Variants in BSG observed in about 807,000 individuals in gnomAD.
BSG encodes basigin (Ok blood group), also known as basigin.
Under a neutral mutation model 43.1 loss-of-function variants are expected in BSG, and 37 were observed. That is an observed-to-expected ratio of 0.86 (90% CI 0.66 to 1.13). The LOEUF (loss-of-function observed/expected upper bound fraction) is 1.13, where lower values mean the gene tolerates loss of function less well. BSG is among the 50% of genes most tolerant of loss of function. BSG has a pLI of 0.00. For missense variants in BSG, 599 were observed against 554.2 expected (o/e 1.08, Z -0.81); for synonymous variants, 309 against 238.7 (o/e 1.29, Z -2.72).
intron 6 of BSG, 135 bp from the exon 7 acceptor site, chr19:582,171 G>A (rs1159794148): frequency 3.5e-6 from 4 of 1,151,084 alleles, no homozygotes; most frequent in Non-Finnish European, 5.0e-6. Flanking sequence ...GGGCTGATGA[G>A]CTGCCCCGAG....
At chr19:581,725 C>A (rs1982342253) in intron 6 of BSG, 134 bp downstream of exon 6, 4 of 1,252,084 alleles carry the variant, frequency 3.2e-6, no homozygotes, top group East Asian at 5.1e-5. Context: ...GTTGATGGGA[C>A]CCCGAAAGAA....
upstream of BSG, chr19:572,467 T>A: frequency 8.6e-7 from 1 of 1,164,626 alleles, no homozygotes; most frequent in Non-Finnish European, 1.1e-6. Flanking sequence ...CATGCGAGCG[T>A]GTGCGCGCGT....
rs183571823 is a variant in BSG, at chr19:581,332, C to T, written c.810C>T (p.Ser270=). 1.1e-4 allele frequency: 185 copies of T among 1,612,428 alleles called. 1 individual carries two copies. In the East Asian group the frequency reaches 3.3e-3, roughly 29 times the overall value. Reference sequence around the variant, plus strand: ...TCCCCTAGGCCCTCATGAACGGCTCCGAGAGCAGGTTCTTCGTGAGTTCCT... The same window carrying T: ...TCCCCTAGGCCCTCATGAACGGCTCTGAGAGCAGGTTCTTCGTGAGTTCCT... ...DSEDKALMNG[S]ESRFFVSSSQ... is the part of the protein sequence containing the mutation. The change falls in exon 6 of 9, where the codon TCC becomes TCT. Residue 270 remains serine (S), a synonymous_variant. Coordinates refer to ENST00000333511, the MANE Select transcript of BSG (RefSeq NM_001728.4).
In BSG at chr19:582,425, C is replaced by T. The variant is rs560442683; in HGVS notation, c.1095-89C>T. 113 of 1,022,172 alleles carry T rather than the reference C, an allele frequency of 1.1e-4. 1 individual carries two copies. The highest frequency in any genetic ancestry group is 5.5e-4 in the African/African-American group (32 of 58,502). 63.3% of individuals were successfully genotyped at this position (1,022,172 alleles called of 1,614,324 possible). ...GGCAGAGCCCCTGGGCTTCAGTATT[C>T]GGGGGTCCTGGGGGCCGGGGTGGGC... is the stretch of plus-strand genomic sequence containing the variant. On this transcript the variant is annotated intron_variant, in intron 7 of 8. Transcript: ENST00000333511.
At chr19:582,617 T>TGGTG (rs762019088) in intron 8 of BSG, 35 bp downstream of exon 8, 7 of 32,488 alleles carry the variant, frequency 2.2e-4, no homozygotes, top group African/African-American at 7.6e-4. Flanking sequence ...GAGCCAGGTG[T>TGGTG]GGTGGGTGGG....
intron 1 of BSG, among the ~76,000 whole-genome samples, chr19:576,128 T>G (rs986205731): frequency 1.3e-5 from 2 of 152,216 alleles, no homozygotes; most frequent in African/African-American, 4.8e-5. Context: ...CCGGGACTCC[T>G]GGAAAGGTGG....
rs763331412 is a variant in BSG, at chr19:580,510, G to A, written c.655+49G>A. Reference sequence around the variant, plus strand: ...CGGGCACCACCGACTGTCGGGAGAAGTTGTTGGCCTGAGGCACCCGGCACA... The same window carrying A: ...CGGGCACCACCGACTGTCGGGAGAAATTGTTGGCCTGAGGCACCCGGCACA... On this transcript the variant is annotated intron_variant, in intron 4 of 8. Transcript: ENST00000333511. 3.2e-5 allele frequency: 52 copies of A among 1,606,828 alleles called. No individual in the cohort carries two copies. In the Admixed American group the frequency reaches 7.0e-4, roughly 22 times the overall value.
intron 2 of BSG, 138 bp downstream of exon 2, chr19:578,259 C>A (rs1981961503): frequency 1.1e-6 from 1 of 909,192 alleles, no homozygotes; most frequent in Non-Finnish European, 1.6e-6. Flanking sequence ...ACCGCCTGGA[C>A]GGAGGGGCCC....
In BSG at chr19:580,371, G is replaced by T; in HGVS notation, c.573-8G>T. On this transcript the variant is annotated splice_polypyrimidine_tract_variant and splice_region_variant and intron_variant, in intron 3 of 8. Coordinates refer to ENST00000333511, the MANE Select transcript of BSG (RefSeq NM_001728.4). The stretch of plus-strand genomic sequence containing the variant: ...GGTACGCGGCTCACCTGCCTGCTGT[G>T]GTTGCAGGGTGGACTCCGACGACCA... 1 of 1,609,930 alleles carries T rather than the reference G, an allele frequency of 6.2e-7. No homozygotes were observed.
rs1982507449 is a variant in BSG, at chr19:583,354, C to T, written c.*610C>T. 6.6e-6 allele frequency: 1 copy of T among 152,406 alleles called. No individual in the cohort carries two copies. Among genetic ancestry groups the T allele is most frequent in the African/African-American group, 2.4e-5 (1 of 41,462 alleles). 9.4% of individuals were successfully genotyped at this position (152,406 alleles called of 1,614,324 possible). A position where few individuals can be genotyped will look rare whatever the true frequency, so the allele number is the denominator to read the frequency against. Reference sequence around the variant, plus strand: ...AGGGGGTTTGCTGGGGAACTGGCGCCATCGCCGGGACTCCAGAACCGCAGA... The same window carrying T: ...AGGGGGTTTGCTGGGGAACTGGCGCTATCGCCGGGACTCCAGAACCGCAGA... On this transcript the variant is annotated 3_prime_UTR_variant, in exon 9 of 9. Coordinates refer to ENST00000333511, the MANE Select transcript of BSG (RefSeq NM_001728.4).
upstream of BSG, chr19:571,450 G>T: frequency 1.3e-6 from 1 of 755,350 alleles, no homozygotes. Flanking sequence ...CGTGGTCGCC[G>T]CGGAACTTCA....
At chr19:577,391 AC>A (rs1010129377) in intron 1 of BSG, among the ~76,000 whole-genome samples, 1 of 151,842 alleles carries the variant, frequency 6.6e-6, no homozygotes, top group African/African-American at 2.4e-5. Context: ...TCAGCAGCTC[AC>A]CCGGGTCTCT....
intron 1 of BSG, among the ~76,000 whole-genome samples, chr19:576,512 A>G (rs1030514147): frequency 2.0e-5 from 3 of 152,254 alleles, no homozygotes; most frequent in African/African-American, 7.2e-5. Flanking sequence ...CTGTAATCCC[A>G]GCACTTTGGG....
rs919016258 is a variant in BSG, at chr19:580,478, G to T, written c.655+17G>T. ...AGCTCCACGGTGAGTCCTGCAGCCA[G>T]GGGTACCGGGCACCACCGACTGTCG... On this transcript the variant is annotated intron_variant, in intron 4 of 8. Coordinates refer to ENST00000333511, the MANE Select transcript of BSG (RefSeq NM_001728.4). The T allele has an allele frequency of 6.2e-6, 10 of 1,609,412 alleles. No homozygotes were observed. The highest frequency in any genetic ancestry group is 7.6e-6 in the Non-Finnish European group (9 of 1,179,790).
intron 3 of BSG, chr19:580,005 C>T (rs967835114): frequency 4.3e-5 from 18 of 417,176 alleles, no homozygotes; most frequent in Admixed American, 2.1e-4. Flanking sequence ...ATGCCCTGCT[C>T]GGACCCCAGA....
intron 2 of BSG, 88 bp downstream of exon 2, chr19:578,209 G>C: frequency 7.8e-7 from 1 of 1,276,572 alleles, no homozygotes; most frequent in Non-Finnish European, 1.0e-6. Flanking sequence ...GAACCCAGAC[G>C]CCTCCTCCCC....
rs748723048 is a variant in BSG, at chr19:578,024, C to T, written c.318C>T (p.Tyr106=). 19 of 1,611,814 alleles carry T rather than the reference C, an allele frequency of 1.2e-5. No homozygotes were observed. Among genetic ancestry groups the T allele is most frequent in the East Asian group, 2.2e-5 (1 of 44,870 alleles). Residue 106 remains tyrosine, a synonymous_variant, in exon 2 of 9, where the codon TAC becomes TAT. Coordinates refer to ENST00000333511, the MANE Select transcript of BSG (RefSeq NM_001728.4). ...TCGTGGAGGAGGACACGGGCACTTA[C>T]GAGTGCCGGGCCAGCAACGACCCGG... The part of the protein sequence containing the change: ...DTLVEEDTGT[Y]ECRASNDPDR...
At chr19:574,370 G>A (rs1202356174) in intron 1 of BSG, among the ~76,000 whole-genome samples, 1 of 152,232 alleles carries the variant, frequency 6.6e-6, no homozygotes, top group South Asian at 2.1e-4. Context: ...TGGCTAACAC[G>A]GTGAAACCCC....
At chr19:576,210 T>C (rs1006764113) in intron 1 of BSG, among the ~76,000 whole-genome samples, 1 of 152,076 alleles carries the variant, frequency 6.6e-6, no homozygotes, top group African/African-American at 2.4e-5. Context: ...TGCCTGGAGG[T>C]GGGGTGAGGT....
Sources: gnomAD v4.1 joint callset for allele counts (sites outside exome capture counted in the v4.1 genomes callset) on GRCh38, gnomAD v4.1.1 for gene constraint, MANE v1.5 for transcripts, NCBI Gene and HGNC (gene_info 2026-07-23, HGNC 2026-07-21) for gene names.